RTN4RL1: variants seen among roughly 807,000 people sequenced by gnomAD.
RTN4RL1 encodes reticulon-4 receptor-like 1.
RTN4RL1 carries 7 observed loss-of-function variants against 25.6 expected under a neutral mutation model. The observed-to-expected ratio is 0.27, with a 90% confidence interval of 0.16 to 0.51. The LOEUF (loss-of-function observed/expected upper bound fraction) is 0.51. RTN4RL1 is among the 20% of genes least tolerant of loss of function. The pLI, the probability that RTN4RL1 is intolerant of heterozygous loss-of-function variation, is 0.97. For synonymous variants in RTN4RL1, 297 were observed against 288.2 expected (o/e 1.03, Z -0.31); for missense variants, 500 against 615.6 (o/e 0.81, Z 1.99).
chr17:2,018,635 A>G (rs71359140), intron 1 of RTN4RL1, among the ~76,000 whole-genome samples: 2,771 of 152,292 alleles, frequency 0.018, 74 homozygotes, highest in African/African-American at 0.062. Context: ...AGGGCAAGGG[A>G]GACGGTGGGC....
At chr17:2,015,209 GGGAAGGGCAGGGGTCA>G (rs1175549850) in intron 1 of RTN4RL1, among the ~76,000 whole-genome samples, 1 of 152,158 alleles carries the variant, frequency 6.6e-6, no homozygotes, top group African/African-American at 2.4e-5. Context: ...CGGAGGGTGT[GGGAAGGGCAGGGGTCA>G]GCTCTTGGGC....
intron 1 of RTN4RL1, among the ~76,000 whole-genome samples, chr17:2,023,869 G>C (rs1179836307): frequency 6.6e-6 from 1 of 152,174 alleles, no homozygotes; most frequent in Non-Finnish European, 1.5e-5. Flanking sequence ...CTCCCGCAGG[G>C]CCGGGGCAGC....
rs1312970782 is a variant in RTN4RL1, at chr17:1,936,778, G to A, written c.1044C>T (p.Gly348=). The A allele has an allele frequency of 6.3e-7, 1 of 1,592,974 alleles. No individual in the cohort carries two copies. ...TGCAGTTCTTCCCCGGCTTCCTGTG[G>A]CCGGGCCGGGGGCCGTGCGGGTGGC... is the stretch of plus-strand genomic sequence containing the variant. ...SKGHPHGPRP[G]HRKPGKNCTN... is the part of the protein sequence containing the mutation. The change falls in exon 2 of 2, where the codon GGC becomes GGT. Residue 348 remains glycine (G), a synonymous_variant. Coordinates refer to ENST00000331238, the MANE Select transcript of RTN4RL1 (RefSeq NM_178568.4).
At chr17:1,956,738 C>CTT (rs35830030) in intron 1 of RTN4RL1, among the ~76,000 whole-genome samples, 3 of 132,608 alleles carry the variant, frequency 2.3e-5, no homozygotes, top group African/African-American at 2.9e-5. Context: ...CTGTCGGGAA[C>CTT]TTTTTTTTTT....
At chr17:2,013,500 T>C (rs1171633553) in intron 1 of RTN4RL1, among the ~76,000 whole-genome samples, 1 of 152,168 alleles carries the variant, frequency 6.6e-6, no homozygotes, top group Non-Finnish European at 1.5e-5. Flanking sequence ...TGGGAATGAA[T>C]ACCACCACAG....
rs1003255087 is a variant in RTN4RL1, at chr17:1,998,355, A to T, written c.13+26498T>A. On this transcript the variant is annotated intron_variant, in intron 1 of 1. Coordinates refer to ENST00000331238, the MANE Select transcript of RTN4RL1 (RefSeq NM_178568.4). The surrounding 1 kb of genome is among the most constrained non-coding windows in gnomAD (Gnocchi z 4.9). ...CCGCCCGGGAGGGTCTTCTCGCTCT[A>T]GAGCCGGGGGCCCGCGCTGAGAGAT... 6.6e-5 allele frequency among the ~76,000 whole-genome samples: 10 copies of T among 152,034 alleles called. No individual in the cohort carries two copies. Among genetic ancestry groups the T allele is most frequent in the African/African-American group, 2.4e-4 (10 of 41,416 alleles).
chr17:2,018,483 C>A (rs1233909554), intron 1 of RTN4RL1, among the ~76,000 whole-genome samples: 3 of 152,176 alleles, frequency 2.0e-5, no homozygotes, highest in Non-Finnish European at 4.4e-5. Flanking sequence ...TCCTGAGGAA[C>A]CGCAGAGGGG....
chr17:2,013,484 C>A (rs12450831), intron 1 of RTN4RL1, among the ~76,000 whole-genome samples: 51,009 of 151,598 alleles, frequency 0.34, 8,839 homozygotes, highest in East Asian at 0.55. Context: ...AGCAGGCCAA[C>A]TGTGCTGGGA....
chr17:2,003,113 G>T (rs142045204), intron 1 of RTN4RL1: 1 of 152,414 alleles, frequency 6.6e-6, no homozygotes, highest in African/African-American at 2.4e-5. Flanking sequence ...TTCACCAGGG[G>T]GCACTGCCAG....
intron 1 of RTN4RL1, among the ~76,000 whole-genome samples, chr17:1,939,409 A>C (rs1567847695): frequency 6.6e-6 from 1 of 152,110 alleles, no homozygotes; most frequent in Non-Finnish European, 1.5e-5. Flanking sequence ...AGACAATAGC[A>C]GTTCTCCCTG....
At chr17:1,954,360 T>C (rs1206572093) in intron 1 of RTN4RL1, among the ~76,000 whole-genome samples, 3 of 150,338 alleles carry the variant, frequency 2.0e-5, no homozygotes, top group African/African-American at 7.3e-5. Context: ...TCCTTTCCCT[T>C]CCCTTCCTTC....
intron 1 of RTN4RL1, among the ~76,000 whole-genome samples, chr17:1,967,055 C>T (rs1319456342): frequency 6.6e-6 from 1 of 152,182 alleles, no homozygotes; most frequent in Non-Finnish European, 1.5e-5. Context: ...AGAGGCCACG[C>T]AGGAAACAGA....
intron 1 of RTN4RL1, among the ~76,000 whole-genome samples, chr17:1,948,804 CT>C (rs1227425836): frequency 1.0e-3 from 148 of 145,344 alleles, no homozygotes; most frequent in Non-Finnish European, 9.0e-4. Flanking sequence ...TTTTCTTTTT[CT>C]TTTTTTTTTT....
At chr17:1,949,641 C>T (rs1205565996) in intron 1 of RTN4RL1, among the ~76,000 whole-genome samples, 1 of 152,206 alleles carries the variant, frequency 6.6e-6, no homozygotes, top group African/African-American at 2.4e-5. Flanking sequence ...ATCCCCACTC[C>T]TTCATTCACG....
intron 1 of RTN4RL1, among the ~76,000 whole-genome samples, chr17:2,022,959 G>A (rs1305581799): frequency 6.6e-6 from 1 of 152,258 alleles, no homozygotes; most frequent in Admixed American, 6.5e-5. Context: ...CCACAGCTGG[G>A]CCTCTGGCTA....
Position 1,975,313 on chromosome 17 carries a change from A to T in RTN4RL1, c.14-37505T>A, listed in dbSNP as rs961642081. On this transcript the variant is annotated intron_variant, in intron 1 of 1. Coordinates refer to ENST00000331238, the MANE Select transcript of RTN4RL1 (RefSeq NM_178568.4). ...TCCTTGGGGTAGTAAAAGGGTTTCAATGAAGATGTGAGCTGAGACTCTGCA... is the reference window on the plus strand; with the variant it reads ...TCCTTGGGGTAGTAAAAGGGTTTCATTGAAGATGTGAGCTGAGACTCTGCA... 4.6e-5 allele frequency among the ~76,000 whole-genome samples: 7 copies of T among 152,128 alleles called. No homozygotes were observed. In the South Asian group the frequency reaches 6.2e-4, roughly 13 times the overall value.
intron 1 of RTN4RL1, among the ~76,000 whole-genome samples, chr17:1,958,052 G>T (rs891899153): frequency 1.3e-4 from 19 of 151,700 alleles, no homozygotes; most frequent in African/African-American, 7.3e-5. Flanking sequence ...AATTAGCCCG[G>T]CATGTCAGGG....
chr17:1,945,052 T>G (rs1403211890), intron 1 of RTN4RL1, among the ~76,000 whole-genome samples: 1 of 152,100 alleles, frequency 6.6e-6, no homozygotes, highest in African/African-American at 2.4e-5. Context: ...ATACACCCTA[T>G]TCACGCCAGG....
Position 1,936,879 on chromosome 17 carries a change from A to T in RTN4RL1, c.943T>A (p.Ser315Thr), listed in dbSNP as rs772901845. ...TGPASPHQIKSHTLTTTDRAA... is the reference protein window; with the variant it reads ...TGPASPHQIKTHTLTTTDRAA... ...CTGTCGGTGGTGGTGAGCGTGTGTG[A>T]CTTGATCTGGTGCGGGGACGCTGGT... The change falls in exon 2 of 2, where the codon TCA (serine) becomes ACA (threonine). Residue 315 changes from serine to threonine, a missense_variant. This residue lies in a region of RTN4RL1 where 268 missense variants were observed against 274.5 expected (regional missense o/e 0.98). Transcript: ENST00000331238. 2 of 1,601,818 alleles carry T rather than the reference A, an allele frequency of 1.2e-6. No homozygotes were observed. Among genetic ancestry groups the T allele is most frequent in the Non-Finnish European group, 1.7e-6 (2 of 1,174,106 alleles).
Sources: allele counts gnomAD v4.1 joint callset (sites outside exome capture counted in the v4.1 genomes callset), GRCh38; gene constraint gnomAD v4.1.1; regional missense constraint gnomAD v4.1.1; non-coding constraint Gnocchi (gnomAD v3.1); transcripts MANE v1.5; gene names NCBI Gene and HGNC (gene_info 2026-07-23, HGNC 2026-07-21).